Variants in CEMIP2 observed in about 807,000 individuals in gnomAD.
The protein encoded by CEMIP2 is cell migration inducing hyaluronidase 2.
CEMIP2 carries 79 observed loss-of-function variants against 146.9 expected under a neutral mutation model. The ratio of observed to expected loss-of-function variants is 0.54; its 90% CI spans 0.45 to 0.65. The LOEUF (loss-of-function observed/expected upper bound fraction) is 0.65, where lower values mean the gene tolerates loss of function less well. CEMIP2 is among the 30% of genes least tolerant of loss of function. The pLI is 0.00. For missense variants in CEMIP2, 1,596 were observed against 1,696.2 expected (o/e 0.94, Z 1.04); for synonymous variants, 601 against 606.3 (o/e 0.99, Z 0.13).
chr9:71,729,359 C>T (rs1442310458), intron 10 of CEMIP2, among the ~76,000 whole-genome samples: 1 of 151,948 alleles, frequency 6.6e-6, no homozygotes, highest in Admixed American at 6.6e-5. Flanking sequence ...GTGGCTCACG[C>T]CTGTAATCCC....
In CEMIP2 at chr9:71,756,500, TCTCTCTCACA is replaced by T. The variant is rs778382559; in HGVS notation, c.-12-6125_-12-6116del. ...CTCTCTCTCTCTCTCTCTCTCTCTC[TCTCTCTCACA>T]CACACACACACACACACACACACAA... On this transcript the variant is annotated intron_variant, in intron 1 of 23. Coordinates refer to ENST00000377044, the MANE Select transcript of CEMIP2 (RefSeq NM_013390.3). Among the ~76,000 whole-genome samples the T allele has an allele frequency of 2.5e-3, 349 of 137,832 alleles. 1 individual carries two copies. The highest frequency in any genetic ancestry group is 0.016 in the South Asian group (64 of 4,050). 90.4% of individuals were successfully genotyped at this position (137,832 alleles called of 152,430 possible). A position where few individuals can be genotyped will look rare whatever the true frequency, so the allele number is the denominator to read the frequency against.
At chr9:71,697,728 C>T in intron 20 of CEMIP2, 2 of 415,698 alleles carry the variant, frequency 4.8e-6, no homozygotes, top group Non-Finnish European at 8.6e-6. Context: ...AACATAGCAA[C>T]CTCTAATTTT....
chr9:71,699,753 T>A (rs1224364825), intron 19 of CEMIP2, among the ~76,000 whole-genome samples: 1 of 152,172 alleles, frequency 6.6e-6, no homozygotes, highest in Non-Finnish European at 1.5e-5. Flanking sequence ...GTAAGACATC[T>A]CACCCACTTC....
At chr9:71,728,509 T>C (rs1823516143) in intron 10 of CEMIP2, among the ~76,000 whole-genome samples, 1 of 150,020 alleles carries the variant, frequency 6.7e-6, no homozygotes, top group African/African-American at 2.5e-5. Context: ...TTCATTTAGG[T>C]TTTAAATGAG....
At chr9:71,768,621 C>G (rs1245277886), upstream of CEMIP2, 2 of 152,446 alleles carry the variant, frequency 1.3e-5, no homozygotes, top group Admixed American at 1.3e-4. Flanking sequence ...CCCCGAGCCT[C>G]GGGGGCAGGG....
At chr9:71,699,452 T>TAAA (rs5898223) in intron 19 of CEMIP2, 41 of 378,206 alleles carry the variant, frequency 1.1e-4, no homozygotes, top group East Asian at 3.0e-4. Flanking sequence ...CACCGTCTCT[T>TAAA]AAAAAAAAAA....
Position 71,730,148 on chromosome 9 carries a change from G to A in CEMIP2, c.1879C>T (p.Pro627Ser). 6.2e-7 allele frequency: 1 copy of A among 1,614,114 alleles called. No homozygotes were observed. The change falls in exon 9 of 24, where the codon CCG (proline) becomes TCG (serine). Residue 627 changes from proline (P) to serine (S), a missense_variant. Transcript: ENST00000377044. ...LFHNLGLLTKPGTLLPTDRNN... is the reference protein window; with the variant it reads ...LFHNLGLLTKSGTLLPTDRNN... ...CTATCGGTGGGCAGGAGAGTACCCG[G>A]CTTGGTGAGGAGTCCCAGATTGTGG...
chr9:71,716,501 T>G lies in CEMIP2; in HGVS notation c.2435+16A>C. 1 of 1,575,006 alleles carries G rather than the reference T, an allele frequency of 6.3e-7. No individual in the cohort carries two copies. Among genetic ancestry groups the G allele is most frequent in the African/African-American group, 1.4e-5 (1 of 73,230 alleles). ...AAAGCTTTAAAATAAGTAAGTATTT[T>G]TAAGCAATTACAAACCTGGCAAAGG... is the stretch of plus-strand genomic sequence containing the variant. On this transcript the variant is annotated intron_variant, in intron 14 of 23. Coordinates refer to ENST00000377044, the MANE Select transcript of CEMIP2 (RefSeq NM_013390.3).
At position 71,745,345 on chromosome 9, in the gene CEMIP2, C is replaced by T. The variant is rs1449413534; in HGVS notation, c.707G>A (p.Arg236Gln). 18 of 1,613,660 alleles carry T rather than the reference C, an allele frequency of 1.1e-5. No homozygotes were observed. The Admixed American group carries it at 1.2e-4, about 10-fold the overall frequency. The change falls in exon 4 of 24, where the codon CGG becomes CAG. Residue 236 changes from arginine (R) to glutamine (Q), a missense_variant. Coordinates refer to ENST00000377044, the MANE Select transcript of CEMIP2 (RefSeq NM_013390.3). ...AGGTLELHGARKASWTLLART... is the reference protein window; with the variant it reads ...AGGTLELHGAQKASWTLLART... Reference sequence around the variant, plus strand: ...TGCCAACAACGTCCACGATGCCTTCCGTGCCCCATGTAACTCCAGTGTCCC... The same window carrying T: ...TGCCAACAACGTCCACGATGCCTTCTGTGCCCCATGTAACTCCAGTGTCCC...
intron 1 of CEMIP2, among the ~76,000 whole-genome samples, chr9:71,763,167 T>C (rs1327862375): frequency 6.6e-6 from 1 of 152,128 alleles, no homozygotes; most frequent in Non-Finnish European, 1.5e-5. Flanking sequence ...ATTCCTAAAA[T>C]GTTAATAATT....
intron 4 of CEMIP2, among the ~76,000 whole-genome samples, chr9:71,744,123 C>A (rs1317079897): frequency 6.6e-6 from 1 of 152,060 alleles, no homozygotes; most frequent in African/African-American, 2.4e-5. Flanking sequence ...GCCTATGAAG[C>A]CGATGTTTTG....
At chr9:71,730,345 AG>A in intron 8 of CEMIP2, 92 bp from the exon 9 acceptor site, 4 of 1,314,464 alleles carry the variant, frequency 3.0e-6, no homozygotes, top group Non-Finnish European at 4.2e-6. Flanking sequence ...GTTCAGTACA[AG>A]TGGAAAAACA....
At chr9:71,743,244 G>C (rs1402785946) in intron 4 of CEMIP2, among the ~76,000 whole-genome samples, 4 of 152,200 alleles carry the variant, frequency 2.6e-5, no homozygotes, top group Non-Finnish European at 5.9e-5. Flanking sequence ...CAGGAGCATG[G>C]CTCCCTTCGG....
chr9:71,743,567 C>T (rs1439052833), intron 4 of CEMIP2, among the ~76,000 whole-genome samples: 1 of 152,176 alleles, frequency 6.6e-6, no homozygotes, highest in Non-Finnish European at 1.5e-5. Flanking sequence ...GGAGCCTGTA[C>T]TGATTCACTA....
intron 5 of CEMIP2, among the ~76,000 whole-genome samples, chr9:71,739,400 C>CT (rs544885586): frequency 3.3e-4 from 32 of 98,294 alleles, no homozygotes; most frequent in Admixed American, 5.2e-4. Flanking sequence ...AAGATGACTA[C>CT]TTTTTTTTTA....
At chr9:71,708,181 GT>G (rs1224738083) in intron 17 of CEMIP2, among the ~76,000 whole-genome samples, 1 of 152,066 alleles carries the variant, frequency 6.6e-6, no homozygotes, top group Non-Finnish European at 1.5e-5. Context: ...GCAAGACTCC[GT>G]CTCAAAAATA....
intron 23 of CEMIP2, 117 bp downstream of exon 23, chr9:71,685,626 A>T: frequency 5.5e-6 from 5 of 911,334 alleles, no homozygotes; most frequent in Non-Finnish European, 8.4e-6. Context: ...AAATCATCTT[A>T]ATGATACCCA....
intron 1 of CEMIP2, among the ~76,000 whole-genome samples, chr9:71,760,241 ATGGTCTGTAT>A (rs1824590088): frequency 1.3e-5 from 2 of 152,244 alleles, no homozygotes; most frequent in Admixed American, 6.5e-5. Flanking sequence ...AGAAATGCCT[ATGGTCTGTAT>A]TTAAGGAATT....
rs1048435630 is a variant in CEMIP2 at position 71,768,417 on chromosome 9, G to A, written c.-73C>T. 6.6e-6 allele frequency: 1 copy of A among 152,180 alleles called. No homozygotes were observed. Among genetic ancestry groups the A allele is most frequent in the African/African-American group, 2.4e-5 (1 of 41,444 alleles). The allele number at this position is 152,180 out of a possible 1,614,324, so 9.4% of individuals were successfully genotyped here. On this transcript the variant is annotated 5_prime_UTR_variant, in exon 1 of 24. Coordinates refer to ENST00000377044, the MANE Select transcript of CEMIP2 (RefSeq NM_013390.3). ...TGCCTACACAGCGGTCCAGGGAGAC[G>A]GAGAGGAGTCCCTGGCGTCCTCGGG...
Sources: gnomAD v4.1 joint callset for allele counts (sites outside exome capture counted in the v4.1 genomes callset) on GRCh38, gnomAD v4.1.1 for gene constraint, MANE v1.5 for transcripts, NCBI Gene and HGNC (gene_info 2026-07-23, HGNC 2026-07-21) for gene names.